The following C3orf20 variants were observed in gnomAD, a reference collection of about 807,000 sequenced individuals.
C3orf20 encodes the protein uncharacterized protein C3orf20.
C3orf20 carries 76 observed loss-of-function variants against 88.3 expected under a neutral mutation model. That is an observed-to-expected ratio of 0.86 (90% confidence interval 0.72 to 1.04). The LOEUF (loss-of-function observed/expected upper bound fraction) is 1.04, where lower values mean the gene tolerates loss of function less well. C3orf20 is among the 50% of genes least tolerant of loss of function. The probability of loss-of-function intolerance (pLI) is 0.00; values close to 1 mark genes in which losing one functional copy is unlikely to be tolerated. For missense variants in C3orf20, 1,056 were observed against 1,123.3 expected, an observed-to-expected ratio of 0.94 and a Z score of 0.86; for synonymous variants, 436 against 437.4, an observed-to-expected ratio of 1.00 and a Z score of 0.04.
intron 7 of C3orf20, among the ~76,000 whole-genome samples, chr3:14,707,530 C>T (rs192576284): frequency 3.4e-5 from 5 of 147,114 alleles, no homozygotes; most frequent in Non-Finnish European, 1.5e-5. Context: ...GTATTGAAGT[C>T]CTTGTTCATG....
intron 12 of C3orf20, among the ~76,000 whole-genome samples, chr3:14,748,206 G>A (rs1010498606): frequency 1.4e-4 from 21 of 151,932 alleles, no homozygotes; most frequent in Non-Finnish European, 2.6e-4. Context: ...GATCATTTGT[G>A]TGTCTTAGAA....
chr3:14,758,192 C>T (rs1233007593), intron 13 of C3orf20, among the ~76,000 whole-genome samples: 1 of 152,212 alleles, frequency 6.6e-6, no homozygotes, highest in Non-Finnish European at 1.5e-5. Flanking sequence ...GAGGACAGCT[C>T]TGGGCACACA....
intron 12 of C3orf20, among the ~76,000 whole-genome samples, chr3:14,756,042 A>G (rs190800702): frequency 0.05 from 7,366 of 147,790 alleles, 262 homozygotes; most frequent in Non-Finnish European, 0.078. Context: ...AAAAAAAAAA[A>G]AAAAAGAAAA....
chr3:14,759,839 G>C (rs2035502631), intron 13 of C3orf20, 52 bp from the exon 14 acceptor site: 1 of 1,468,486 alleles, frequency 6.8e-7, no homozygotes, highest in Non-Finnish European at 9.5e-7. Flanking sequence ...GGCAATCCAG[G>C]TACATCTTAT....
At chr3:14,719,874 A>C (rs180808321) in intron 9 of C3orf20, among the ~76,000 whole-genome samples, 1 of 152,204 alleles carries the variant, frequency 6.6e-6, no homozygotes, top group East Asian at 1.9e-4. Context: ...CAATTTGTCT[A>C]AAATTGCCCA....
intron 5 of C3orf20, among the ~76,000 whole-genome samples, chr3:14,690,590 G>A (rs1191673558): frequency 1.3e-5 from 2 of 152,204 alleles, no homozygotes; most frequent in Non-Finnish European, 2.9e-5. Context: ...AAAGACATAG[G>A]AGATACTCCT....
intron 7 of C3orf20, among the ~76,000 whole-genome samples, chr3:14,711,418 T>C (rs2033732271): frequency 6.6e-6 from 1 of 152,142 alleles, no homozygotes; most frequent in African/African-American, 2.4e-5. Flanking sequence ...GTAATGTCCT[T>C]CTTTGTCACT....
At chr3:14,759,085 G>A (rs375877225) in intron 13 of C3orf20, among the ~76,000 whole-genome samples, 2 of 152,360 alleles carry the variant, frequency 1.3e-5, no homozygotes, top group East Asian at 1.9e-4. Flanking sequence ...AGGACAGGGC[G>A]TGGCCTGAGG....
chr3:14,771,933 A>T, intron 15 of C3orf20, 134 bp from the exon 16 acceptor site: 1 of 1,147,286 alleles, frequency 8.7e-7, no homozygotes, highest in Non-Finnish European at 1.2e-6. Flanking sequence ...CAAGGAGGTC[A>T]GAGTCTCCCT....
At chr3:14,712,631 A>G (rs2033795820) in intron 7 of C3orf20, among the ~76,000 whole-genome samples, 1 of 152,220 alleles carries the variant, frequency 6.6e-6, no homozygotes. Context: ...ATAGGTTTAC[A>G]ATTACTGTTT....
intron 12 of C3orf20, among the ~76,000 whole-genome samples, chr3:14,737,194 A>G: frequency 6.6e-6 from 1 of 152,166 alleles, no homozygotes; most frequent in Middle Eastern, 3.4e-3. Context: ...ATTTCATTAA[A>G]TATTTCTCCT....
rs74722069 is a variant in C3orf20 at position 14,680,549 on chromosome 3, A to G, written c.-298-1621A>G. 2.4e-4 allele frequency among the ~76,000 whole-genome samples: 37 copies of G among 152,288 alleles called. No homozygotes were observed. The East Asian group carries it at 6.6e-3, about 27-fold the overall frequency. On this transcript the variant is annotated intron_variant, in intron 1 of 16. Transcript: ENST00000253697. ...ATGGGTTTTGTGTGGGGGCAATAGA[A>G]TGTTCTAAAATTTGATAGTAATGGT...
chr3:14,748,049 TGTTA>T (rs1484061790), intron 12 of C3orf20, among the ~76,000 whole-genome samples: 1 of 152,032 alleles, frequency 6.6e-6, no homozygotes, highest in Non-Finnish European at 1.5e-5. Flanking sequence ...AAAGTTTTGG[TGTTA>T]GTTCTTCTTT....
chr3:14,693,649 G>A (rs2032836789), intron 5 of C3orf20, among the ~76,000 whole-genome samples: 1 of 152,102 alleles, frequency 6.6e-6, no homozygotes, highest in African/African-American at 2.4e-5. Flanking sequence ...AGGATAGTTT[G>A]ACTTCTTCCT....
chr3:14,732,339 T>A (rs1016917476), intron 12 of C3orf20, among the ~76,000 whole-genome samples: 12 of 152,244 alleles, frequency 7.9e-5, no homozygotes, highest in Non-Finnish European at 1.6e-4. Flanking sequence ...TGGATTGTTT[T>A]CTTATTGTGA....
rs2033408293 is a variant in C3orf20 at position 14,704,390 on chromosome 3, T to C, written c.932T>C (p.Leu311Ser). The change falls in exon 7 of 17, where the codon TTA becomes TCA. Residue 311 changes from leucine (L) to serine (S), a missense_variant. Leu to Ser is a moderately radical substitution (Grantham distance 145, BLOSUM62 -2). Transcript: ENST00000253697. The stretch of plus-strand genomic sequence containing the variant: ...AGGAATATCTCCTACCCCATGATCT[T>C]ACGAAACTACAAGGCAAAGATGCCC... ...KGRNISYPMI[L>S]RNYKAKMPSH... The C allele has an allele frequency of 6.2e-7, 1 of 1,613,966 alleles. No homozygotes were observed. Among genetic ancestry groups the C allele is most frequent in the South Asian group, 1.1e-5 (1 of 91,086 alleles).
chr3:14,728,898 A>G lies in C3orf20; in HGVS notation c.1940+210A>G, dbSNP rs554358592. Among the ~76,000 whole-genome samples the G allele has an allele frequency of 6.2e-4, 94 of 152,356 alleles. No homozygotes were observed. In the South Asian group the frequency reaches 0.01, roughly 16 times the overall value. ...AATAATTGGAGTAATGGGTTAGGGC[A>G]GGGGTTGGCTATGGACCAAATTTGG... On this transcript the variant is annotated intron_variant, in intron 12 of 16. Coordinates refer to ENST00000253697, the MANE Select transcript of C3orf20 (RefSeq NM_032137.5).
At chr3:14,675,700 T>C (rs1198892370) in intron 1 of C3orf20, among the ~76,000 whole-genome samples, 1 of 151,824 alleles carries the variant, frequency 6.6e-6, no homozygotes, top group African/African-American at 2.4e-5. Flanking sequence ...GTTATTTATT[T>C]ATTTATTTAT....
intron 4 of C3orf20, among the ~76,000 whole-genome samples, chr3:14,684,602 C>T (rs1339968981): frequency 6.6e-6 from 1 of 152,168 alleles, no homozygotes; most frequent in Non-Finnish European, 1.5e-5. Flanking sequence ...AACAGCTACA[C>T]CTCACAACCC....
Sources: allele counts gnomAD v4.1 joint callset (sites outside exome capture counted in the v4.1 genomes callset), GRCh38; gene constraint gnomAD v4.1.1; transcripts MANE v1.5; gene names NCBI Gene and HGNC (gene_info 2026-07-23, HGNC 2026-07-21).